The following CHRM3 variants were observed in gnomAD, a reference collection of about 807,000 sequenced individuals.
The protein encoded by CHRM3 is cholinergic receptor muscarinic 3.
CHRM3 carries 11 observed loss-of-function variants against 41.8 expected under a neutral mutation model. That is an observed-to-expected ratio of 0.26 (90% confidence interval 0.17 to 0.44). CHRM3 has a LOEUF of 0.44. Ranked by LOEUF, CHRM3 falls within the 20% of genes least tolerant of loss-of-function variation. The pLI is 1.00. For synonymous variants in CHRM3, 297 were observed against 301.4 expected, an observed-to-expected ratio of 0.99 and a Z score of 0.15; for missense variants, 571 against 745.4, an observed-to-expected ratio of 0.77 and a Z score of 2.72.
At chr1:239,554,328 A>G (rs909189812) in intron 3 of CHRM3, among the ~76,000 whole-genome samples, 24 of 152,038 alleles carry the variant, frequency 1.6e-4, no homozygotes, top group African/African-American at 5.8e-4. Context: ...ATATTTAGTG[A>G]CCTCCTATGG....
In CHRM3 at chr1:239,808,793, G is replaced by A. The variant is rs191801882; in HGVS notation, c.-146-18459G>A. 4.2e-3 allele frequency among the ~76,000 whole-genome samples: 633 copies of A among 152,240 alleles called. 29 individuals are homozygous for A. Among genetic ancestry groups the A allele is most frequent in the Admixed American group, 0.038 (587 of 15,282 alleles). On this transcript the variant is annotated intron_variant, in intron 5 of 6. Transcript: ENST00000676153. ...TACACTGTTTGTGAGAATTAAATCAGCACTCTCTTAGAAAACCCATCAGAA... is the reference window on the plus strand; with the variant it reads ...TACACTGTTTGTGAGAATTAAATCAACACTCTCTTAGAAAACCCATCAGAA...
At chr1:239,757,500 A>G (rs982396833) in intron 5 of CHRM3, among the ~76,000 whole-genome samples, 4 of 151,910 alleles carry the variant, frequency 2.6e-5, no homozygotes, top group African/African-American at 4.8e-5. Flanking sequence ...CGTGGTGGCG[A>G]GCCCCTGTAG....
intron 3 of CHRM3, among the ~76,000 whole-genome samples, chr1:239,548,282 A>G (rs935404949): frequency 6.6e-6 from 1 of 152,158 alleles, no homozygotes; most frequent in African/African-American, 2.4e-5. Context: ...TTTTATGTCC[A>G]TCTCTCTAGT....
At chr1:239,640,619 T>C (rs1283355606) in intron 4 of CHRM3, among the ~76,000 whole-genome samples, 2 of 151,316 alleles carry the variant, frequency 1.3e-5, no homozygotes, top group East Asian at 1.9e-4. Context: ...ATATCCCCTT[T>C]ATCATTTTTT....
intron 2 of CHRM3, among the ~76,000 whole-genome samples, chr1:239,515,796 T>C (rs1334456101): frequency 6.6e-6 from 1 of 152,190 alleles, no homozygotes; most frequent in African/African-American, 2.4e-5. Context: ...TACTTCACAA[T>C]AGATAAAAAT....
chr1:239,857,974 CATATATTATTGAT>C (rs1332908815), intron 6 of CHRM3, among the ~76,000 whole-genome samples: 1 of 152,042 alleles, frequency 6.6e-6, no homozygotes, highest in African/African-American at 2.4e-5. Flanking sequence ...AATTAATTGA[CATATATTATTGAT>C]ATATATTATT....
At position 239,468,557 on chromosome 1, in the gene CHRM3, A is replaced by G. The variant is rs1401944089; in HGVS notation, c.-520-24152A>G. 2.0e-5 allele frequency among the ~76,000 whole-genome samples: 3 copies of G among 152,196 alleles called. No individual in the cohort carries two copies. In the East Asian group the frequency reaches 5.8e-4, roughly 29 times the overall value. On this transcript the variant is annotated intron_variant, in intron 1 of 6. Transcript: ENST00000676153. ...TTTAGGAGGAATTTTGTTAACTTCT[A>G]GAAACAGCAGTCAGGTCTTTAAATT...
intron 4 of CHRM3, among the ~76,000 whole-genome samples, chr1:239,653,717 AGAG>A (rs1255114993): frequency 6.6e-6 from 1 of 152,202 alleles, no homozygotes; most frequent in Non-Finnish European, 1.5e-5. Context: ...AAGTAGGCAT[AGAG>A]GAGAATTTCT....
At chr1:239,750,527 C>A (rs936751663) in intron 5 of CHRM3, among the ~76,000 whole-genome samples, 1 of 152,162 alleles carries the variant, frequency 6.6e-6, no homozygotes, top group Non-Finnish European at 1.5e-5. Flanking sequence ...TGCCTCCTCA[C>A]GTATTTGAAG....
chr1:239,434,825 G>A (rs1663107869), intron 1 of CHRM3, among the ~76,000 whole-genome samples: 1 of 152,138 alleles, frequency 6.6e-6, no homozygotes, highest in African/African-American at 2.4e-5. Flanking sequence ...GGATTGAGAT[G>A]AAAATGTGGA....
chr1:239,653,658 T>C (rs1038639912), intron 4 of CHRM3, among the ~76,000 whole-genome samples: 3 of 152,154 alleles, frequency 2.0e-5, no homozygotes, highest in African/African-American at 7.2e-5. Context: ...CCTTATCCAG[T>C]AGCAGAAAAT....
intron 5 of CHRM3, among the ~76,000 whole-genome samples, chr1:239,692,626 CA>C (rs1659826269): frequency 6.6e-6 from 1 of 152,010 alleles, no homozygotes; most frequent in Non-Finnish European, 1.5e-5. Context: ...AATAACCTAA[CA>C]AAAGGCAGGA....
chr1:239,665,913 A>G (rs1673749783), intron 4 of CHRM3, among the ~76,000 whole-genome samples: 1 of 152,144 alleles, frequency 6.6e-6, no homozygotes, highest in African/African-American at 2.4e-5. Context: ...TATCCAATCT[A>G]TCAATGATGG....
intron 5 of CHRM3, among the ~76,000 whole-genome samples, chr1:239,809,791 G>A (rs1284028065): frequency 6.6e-6 from 1 of 152,140 alleles, no homozygotes. Flanking sequence ...GAGCCACCAT[G>A]CCTGGCCTAC....
At chr1:239,629,748 C>T (rs1216492767) in intron 3 of CHRM3, among the ~76,000 whole-genome samples, 4 of 152,094 alleles carry the variant, frequency 2.6e-5, no homozygotes, top group Admixed American at 2.6e-4. Flanking sequence ...TTTTTATGGA[C>T]ATCATAAATC....
intron 6 of CHRM3, among the ~76,000 whole-genome samples, chr1:239,876,805 C>A (rs534457075): frequency 1.3e-5 from 2 of 152,290 alleles, no homozygotes; most frequent in Non-Finnish European, 2.9e-5. Context: ...GTTAGGCTGA[C>A]AATCAGTTCC....
chr1:239,557,999 C>A (rs949093903), intron 3 of CHRM3, among the ~76,000 whole-genome samples: 1 of 151,982 alleles, frequency 6.6e-6, no homozygotes, highest in Admixed American at 6.6e-5. Flanking sequence ...GGTTATATAC[C>A]CACTGATGGG....
intron 1 of CHRM3, among the ~76,000 whole-genome samples, chr1:239,461,177 G>T (rs1471573425): frequency 1.3e-5 from 2 of 152,154 alleles, no homozygotes; most frequent in Non-Finnish European, 2.9e-5. Context: ...TTCAAGTCTA[G>T]ATATCATGTG....
intron 5 of CHRM3, among the ~76,000 whole-genome samples, chr1:239,816,743 T>TTA (rs913503089): frequency 5.9e-5 from 9 of 151,442 alleles, no homozygotes; most frequent in Non-Finnish European, 1.2e-4. Flanking sequence ...TTTTTTTTTT[T>TTA]TTTTTTGAGA....
Sources: gnomAD v4.1 joint callset for allele counts (sites outside exome capture counted in the v4.1 genomes callset) on GRCh38, gnomAD v4.1.1 for gene constraint, MANE v1.5 for transcripts, NCBI Gene and HGNC (gene_info 2026-07-23, HGNC 2026-07-21) for gene names.